GIGYF2: variants seen among roughly 807,000 people sequenced by gnomAD.
GIGYF2 encodes GRB10-interacting GYF protein 2.
A neutral mutation model predicts 208.1 loss-of-function variants in GIGYF2; 25 were observed. That is an observed-to-expected ratio of 0.12 (90% CI 0.09 to 0.17). GIGYF2 has a LOEUF of 0.17. Ranked by LOEUF, GIGYF2 falls within the 10% of genes least tolerant of loss-of-function variation. The probability of loss-of-function intolerance (pLI) is 1.00; values close to 1 mark genes in which losing one functional copy is unlikely to be tolerated. For missense variants in GIGYF2, 1,302 were observed against 1,579.4 expected, an observed-to-expected ratio of 0.82 and a Z score of 2.98; for synonymous variants, 534 against 543.8, an observed-to-expected ratio of 0.98 and a Z score of 0.25.
At chr2:232,781,321 C>CAA (rs1553613026) in intron 8 of GIGYF2, among the ~76,000 whole-genome samples, 6 of 149,842 alleles carry the variant, frequency 4.0e-5, no homozygotes, top group Non-Finnish European at 7.5e-5. Flanking sequence ...CACACACACA[C>CAA]AACTTATAAA....
At chr2:232,815,918 C>G (rs1574916878) in intron 19 of GIGYF2, 181 bp downstream of exon 19, 6 of 586,774 alleles carry the variant, frequency 1.0e-5, no homozygotes, top group East Asian at 8.7e-5. Flanking sequence ...AAAAAAAACT[C>G]AAAACAGAAT....
At chr2:232,764,991 G>A (rs899045868) in intron 8 of GIGYF2, among the ~76,000 whole-genome samples, 1 of 152,070 alleles carries the variant, frequency 6.6e-6, no homozygotes. Flanking sequence ...CTAACATGAA[G>A]TATCTCAGAA....
At chr2:232,786,582 G>A (rs925511464) in intron 8 of GIGYF2, among the ~76,000 whole-genome samples, 2 of 152,314 alleles carry the variant, frequency 1.3e-5, no homozygotes, top group Admixed American at 1.3e-4. Flanking sequence ...GGCCTGAAAT[G>A]TACAGATATC....
intron 15 of GIGYF2, among the ~76,000 whole-genome samples, chr2:232,808,503 G>C (rs1424808465): frequency 6.6e-6 from 1 of 151,722 alleles, no homozygotes; most frequent in Non-Finnish European, 1.5e-5. Flanking sequence ...CATGATGAAT[G>C]TATACCTTGA....
intron 8 of GIGYF2, among the ~76,000 whole-genome samples, chr2:232,780,468 C>T (rs185914464): frequency 0.014 from 2,100 of 152,218 alleles, 23 homozygotes; most frequent in Middle Eastern, 0.024. Flanking sequence ...GAAAAAAATA[C>T]ATTTAAAATT....
intron 14 of GIGYF2, among the ~76,000 whole-genome samples, chr2:232,799,722 C>G (rs1468769510): frequency 6.6e-6 from 1 of 152,072 alleles, no homozygotes; most frequent in African/African-American, 2.4e-5. Context: ...ATACTATTTT[C>G]CACAGTGACT....
At position 232,832,710 on chromosome 2, in the gene GIGYF2, T is replaced by G. The variant is rs916306131; in HGVS notation, c.2530-147T>G. ...CTATAAATATATTTTAAAAGAAAGG[T>G]TACTTCTACCTTGCATCATCATGAA... On this transcript the variant is annotated intron_variant, in intron 21 of 28. Transcript: ENST00000373563. 16 of 637,074 alleles carry G rather than the reference T, an allele frequency of 2.5e-5. No homozygotes were observed. In the East Asian group the frequency reaches 4.2e-4, roughly 17 times the overall value. 39.5% of individuals were successfully genotyped at this position (637,074 alleles called of 1,614,324 possible).
chr2:232,811,113 A>G lies in GIGYF2; in HGVS notation c.1899-131A>G, dbSNP rs1700721118. ...GTCTATTATCATAATGAAGAATTAT[A>G]AAATATATTTGATAGCTATTTCTAA... On this transcript the variant is annotated intron_variant, in intron 16 of 28. Coordinates refer to ENST00000373563, the MANE Select transcript of GIGYF2 (RefSeq NM_001103146.3). The G allele has an allele frequency of 6.1e-6, 4 of 654,612 alleles. No homozygotes were observed. The South Asian group carries it at 6.6e-5, about 11-fold the overall frequency. The allele number at this position is 654,612 out of a possible 1,614,324, so 40.6% of individuals were successfully genotyped here.
intron 12 of GIGYF2, 149 bp from the exon 13 acceptor site, chr2:232,794,599 G>T (rs1263359338): frequency 1.4e-6 from 1 of 715,376 alleles, no homozygotes; most frequent in Admixed American, 1.9e-5. Context: ...GGAATATTAC[G>T]TTTCTCCATA....
intron 4 of GIGYF2, 142 bp from the exon 5 acceptor site, chr2:232,748,845 A>C: frequency 1.5e-6 from 1 of 655,416 alleles, no homozygotes. Context: ...TATAGAAGTC[A>C]ATTATGGCTG....
chr2:232,792,064 T>A (rs901901839), intron 12 of GIGYF2, among the ~76,000 whole-genome samples: 14 of 152,194 alleles, frequency 9.2e-5, no homozygotes, highest in African/African-American at 3.1e-4. Context: ...TGATACCCTT[T>A]AACATGGCAT....
chr2:232,844,743 AT>A (rs1430278488), intron 25 of GIGYF2, among the ~76,000 whole-genome samples, 169 bp downstream of exon 25: 2 of 152,172 alleles, frequency 1.3e-5, no homozygotes, highest in Non-Finnish European at 1.5e-5. Context: ...TTTCTTCCCC[AT>A]AGAAACACAT....
At chr2:232,853,519 C>A (rs751526842) in intron 28 of GIGYF2, among the ~76,000 whole-genome samples, 1 of 152,200 alleles carries the variant, frequency 6.6e-6, no homozygotes, top group Non-Finnish European at 1.5e-5. Flanking sequence ...GTGATCTGCC[C>A]GCCTTGGCCT....
chr2:232,773,229 A>G (rs1699344383), intron 8 of GIGYF2, among the ~76,000 whole-genome samples: 1 of 152,120 alleles, frequency 6.6e-6, no homozygotes, highest in Admixed American at 6.6e-5. Flanking sequence ...TTATTTTTAA[A>G]TGTTTTAGGA....
chr2:232,707,176 G>A (rs1400768452), intron 2 of GIGYF2, among the ~76,000 whole-genome samples: 3 of 152,118 alleles, frequency 2.0e-5, no homozygotes, highest in Non-Finnish European at 1.5e-5. Context: ...GATAGTAAAA[G>A]CAATACGTTT....
chr2:232,736,176 G>A (rs745348424), intron 3 of GIGYF2: 2 of 981,412 alleles, frequency 2.0e-6, no homozygotes, highest in Non-Finnish European at 2.4e-6. Context: ...ACTATTTGAA[G>A]TTCTAAGAAC....
chr2:232,713,009 G>T (rs1696498728), intron 2 of GIGYF2, among the ~76,000 whole-genome samples: 1 of 151,912 alleles, frequency 6.6e-6, no homozygotes, highest in Admixed American at 6.6e-5. Context: ...AGTTGTGTCT[G>T]TTGAGCGCTT....
intron 2 of GIGYF2, among the ~76,000 whole-genome samples, chr2:232,717,930 G>A (rs1439439192): frequency 6.6e-6 from 1 of 152,054 alleles, no homozygotes; most frequent in Non-Finnish European, 1.5e-5. Context: ...TTCAACATGA[G>A]ATTTGCAGGG....
chr2:232,796,363 G>A, intron 14 of GIGYF2, 142 bp downstream of exon 14: 1 of 675,940 alleles, frequency 1.5e-6, no homozygotes. Context: ...GACTAGAAGT[G>A]TTTCTGATTT....
Sources: allele counts gnomAD v4.1 joint callset (sites outside exome capture counted in the v4.1 genomes callset), GRCh38; gene constraint gnomAD v4.1.1; transcripts MANE v1.5; gene names NCBI Gene and HGNC (gene_info 2026-07-23, HGNC 2026-07-21).